RPH3A: variants seen among roughly 807,000 people sequenced by gnomAD.
The protein encoded by RPH3A is rabphilin 3A, also known as rabphilin-3A.
In RPH3A, 48 loss-of-function variants were observed where a neutral mutation model predicts 102.2. The ratio of observed to expected loss-of-function variants is 0.47; its 90% CI spans 0.37 to 0.60. The LOEUF is 0.60. RPH3A is among the 20% of genes least tolerant of loss of function. The probability of loss-of-function intolerance (pLI) is 0.00; values close to 1 mark genes in which losing one functional copy is unlikely to be tolerated. For missense variants in RPH3A, 781 were observed against 910.1 expected (o/e 0.86, Z 1.83); for synonymous variants, 310 against 324.3 (o/e 0.96, Z 0.47).
Position 112,677,563 on chromosome 12 carries a change from G to A in RPH3A, c.-140+102244G>A, listed in dbSNP as rs2040188873. Among the ~76,000 whole-genome samples the A allele has an allele frequency of 2.7e-5, 4 of 149,674 alleles. No individual in the cohort carries two copies. The South Asian group carries it at 6.5e-4, about 24-fold the overall frequency. On this transcript the variant is annotated intron_variant, in intron 1 of 21. Coordinates refer to the RPH3A transcript ENST00000543106. ...GATCCACCCGCCTCAGCCTCCTAAA[G>A]TGCTGGGATTACAGTTGTGAGCCAC...
intron 4 of RPH3A, among the ~76,000 whole-genome samples, chr12:112,840,200 C>T (rs1274075818): frequency 6.6e-6 from 1 of 151,944 alleles, no homozygotes; most frequent in African/African-American, 2.4e-5. Flanking sequence ...ATTTTTTTGA[C>T]ATAAAATAGT....
At chr12:112,722,310 A>G (rs2040557032) in intron 1 of RPH3A, among the ~76,000 whole-genome samples, 1 of 152,246 alleles carries the variant, frequency 6.6e-6, no homozygotes. Context: ...GTAGGTAGGC[A>G]TGAGACTAAA....
At chr12:112,822,912 G>T (rs1340203939) in intron 2 of RPH3A, among the ~76,000 whole-genome samples, 1 of 152,216 alleles carries the variant, frequency 6.6e-6, no homozygotes, top group East Asian at 1.9e-4. Context: ...GAAAGTAGAT[G>T]ATTCTTTAGA....
chr12:112,886,647 C>A (rs2043006161), intron 16 of RPH3A, among the ~76,000 whole-genome samples: 1 of 152,130 alleles, frequency 6.6e-6, no homozygotes, highest in African/African-American at 2.4e-5. Context: ...TTCTTATGAC[C>A]TGCCTTTTTT....
At chr12:112,770,640 C>A (rs192249025) in intron 1 of RPH3A, among the ~76,000 whole-genome samples, 2 of 152,244 alleles carry the variant, frequency 1.3e-5, no homozygotes, top group East Asian at 3.9e-4. Context: ...CCTGGCAATT[C>A]TGTCATTCTT....
chr12:112,781,921 A>G (rs2041011840), intron 1 of RPH3A, among the ~76,000 whole-genome samples: 1 of 152,220 alleles, frequency 6.6e-6, no homozygotes, highest in Non-Finnish European at 1.5e-5. Context: ...TTAGTTACTG[A>G]CATATTCCAT....
intron 19 of RPH3A, chr12:112,894,328 T>C: frequency 2.0e-6 from 1 of 512,532 alleles, no homozygotes; most frequent in Non-Finnish European, 3.4e-6. Context: ...TGGATCTCAG[T>C]TTCTGTTTCT....
intron 10 of RPH3A, among the ~76,000 whole-genome samples, chr12:112,871,479 G>A (rs1413975302): frequency 1.3e-5 from 2 of 152,120 alleles, no homozygotes; most frequent in African/African-American, 2.4e-5. Context: ...ATTCCACCTA[G>A]CATAATGTCT....
chr12:112,690,153 G>C (rs1465260170), intron 1 of RPH3A, among the ~76,000 whole-genome samples: 1 of 152,196 alleles, frequency 6.6e-6, no homozygotes, highest in Non-Finnish European at 1.5e-5. Context: ...TTGTAGAAAA[G>C]TTGGAAAATT....
At chr12:112,633,509 C>T in intron 1 of RPH3A, among the ~76,000 whole-genome samples, 1 of 152,124 alleles carries the variant, frequency 6.6e-6, no homozygotes. Flanking sequence ...GAAGAGAGAA[C>T]TGAGCTGGCA....
chr12:112,673,573 G>A (rs2040150911), intron 1 of RPH3A, among the ~76,000 whole-genome samples: 1 of 151,986 alleles, frequency 6.6e-6, no homozygotes, highest in South Asian at 2.1e-4. Context: ...TAGTAGGTGT[G>A]TATATTTATG....
intron 4 of RPH3A, chr12:112,837,920 T>C (rs1218285338): frequency 2.5e-6 from 1 of 400,172 alleles, no homozygotes; most frequent in Non-Finnish European, 4.8e-6. Flanking sequence ...CCTCCCTCCC[T>C]TCCTCTATTA....
At chr12:112,585,099 C>A (rs953720650) in intron 1 of RPH3A, among the ~76,000 whole-genome samples, 1 of 152,126 alleles carries the variant, frequency 6.6e-6, no homozygotes, top group Non-Finnish European at 1.5e-5. Context: ...TGTTCGAAGG[C>A]AGGAAGCATC....
chr12:112,842,555 C>T (rs1299076561), intron 4 of RPH3A, among the ~76,000 whole-genome samples: 1 of 152,224 alleles, frequency 6.6e-6, no homozygotes, highest in Non-Finnish European at 1.5e-5. Flanking sequence ...GTTACTGTAT[C>T]TTCATAGCAG....
intron 1 of RPH3A, among the ~76,000 whole-genome samples, chr12:112,689,138 T>C (rs2040288633): frequency 6.6e-6 from 1 of 152,238 alleles, no homozygotes; most frequent in African/African-American, 2.4e-5. Flanking sequence ...CAAACTCAGA[T>C]GTCTATAGTG....
At position 112,868,351 on chromosome 12, in the gene RPH3A, GAT is replaced by G. The variant is rs1460828430; in HGVS notation, c.445-77_445-76del. On this transcript the variant is annotated intron_variant, in intron 7 of 21. Transcript: ENST00000389385. Reference sequence around the variant, plus strand: ...CAGTGTGCTTTGGATGAGGAGGAAAGATAAAAATGGGCACTCATGAAGGTAAG... The same window carrying G: ...CAGTGTGCTTTGGATGAGGAGGAAAGAAAAATGGGCACTCATGAAGGTAAG... 3 of 1,449,190 alleles carry G rather than the reference GAT, an allele frequency of 2.1e-6. No homozygotes were observed. In the Admixed American group the frequency reaches 5.8e-5, roughly 28 times the overall value. The allele number at this position is 1,449,190 out of a possible 1,614,324, so 89.8% of individuals were successfully genotyped here.
chr12:112,710,455 C>T (rs2040453029), intron 1 of RPH3A, among the ~76,000 whole-genome samples: 1 of 152,170 alleles, frequency 6.6e-6, no homozygotes, highest in African/African-American at 2.4e-5. Flanking sequence ...GGAGGCTGCT[C>T]CTTGTACCCT....
intron 1 of RPH3A, among the ~76,000 whole-genome samples, chr12:112,613,705 TG>T (rs1184725073): frequency 2.6e-5 from 4 of 151,108 alleles, no homozygotes; most frequent in Non-Finnish European, 4.4e-5. Context: ...GTGGTGAGGG[TG>T]GGGGTCTGAT....
intron 1 of RPH3A, among the ~76,000 whole-genome samples, chr12:112,657,708 A>G (rs2040022652): frequency 6.6e-6 from 1 of 152,190 alleles, no homozygotes; most frequent in Admixed American, 6.5e-5. Context: ...ATAATTATGA[A>G]CAGTCCAAAA....
Sources: allele counts gnomAD v4.1 joint callset (sites outside exome capture counted in the v4.1 genomes callset), GRCh38; gene constraint gnomAD v4.1.1; transcripts MANE v1.5; gene names NCBI Gene and HGNC (gene_info 2026-07-23, HGNC 2026-07-21).